Variants in NOTCH2 observed in about 807,000 individuals in gnomAD.
NOTCH2 encodes notch receptor 2.
Under a neutral mutation model 235.8 loss-of-function variants are expected in NOTCH2, and 29 were observed. The observed-to-expected ratio is 0.12, with a 90% CI of 0.09 to 0.17. NOTCH2 has a LOEUF of 0.17. Ranked by LOEUF, NOTCH2 falls within the 10% of genes least tolerant of loss-of-function variation. The probability of loss-of-function intolerance (pLI) is 1.00; values close to 1 mark genes in which losing one functional copy is unlikely to be tolerated. For missense variants in NOTCH2, 2,285 were observed against 3,150.2 expected (o/e 0.73, Z 6.57); for synonymous variants, 1,086 against 1,141.5 (o/e 0.95, Z 0.98).
chr1:120,060,471 A>AT (rs1553216022), intron 1 of NOTCH2, among the ~76,000 whole-genome samples: 4,323 of 147,486 alleles, frequency 0.029, 33 homozygotes, highest in African/African-American at 0.1. Flanking sequence ...ATATATATAT[A>AT]AAAATAAATC....
chr1:120,004,033 AAT>A (rs1398722547), intron 3 of NOTCH2, among the ~76,000 whole-genome samples: 5 of 150,950 alleles, frequency 3.3e-5, no homozygotes, highest in Admixed American at 6.6e-5. Flanking sequence ...ATGATGAAAA[AAT>A]ATTAGACATT....
At chr1:120,009,368 TA>T (rs1408778796) in intron 2 of NOTCH2, among the ~76,000 whole-genome samples, 1 of 151,584 alleles carries the variant, frequency 6.6e-6, no homozygotes, top group Non-Finnish European at 1.5e-5. Flanking sequence ...ACTGTATTAA[TA>T]AAGTTTGATT....
chr1:119,938,931 C>T (rs1318685926), intron 19 of NOTCH2, among the ~76,000 whole-genome samples: 1 of 152,148 alleles, frequency 6.6e-6, no homozygotes, highest in African/African-American at 2.4e-5. Flanking sequence ...CCACCTGCCT[C>T]GGCCTCCCAA....
Position 119,935,655 on chromosome 1 carries a change from C to T in NOTCH2, c.3523-51G>A, listed in dbSNP as rs782800180. The T allele has an allele frequency of 2.5e-6, 4 of 1,598,846 alleles. No homozygotes were observed. The Admixed American group carries it at 5.0e-5, about 20-fold the overall frequency. On this transcript the variant is annotated intron_variant, in intron 21 of 33. Transcript: ENST00000256646. ...AGAAATATTGGACCATTACTGGAAA[C>T]AGACCATGAGAGCTAGTGAGATCTG...
chr1:119,935,973 G>C (rs782686619), intron 21 of NOTCH2, among the ~76,000 whole-genome samples: 9 of 152,134 alleles, frequency 5.9e-5, no homozygotes, highest in Non-Finnish European at 1.0e-4. Flanking sequence ...CCTATGACTC[G>C]GTCAAAAGGC....
At chr1:119,984,605 GA>G (rs1651941434) in intron 5 of NOTCH2, among the ~76,000 whole-genome samples, 3 of 152,198 alleles carry the variant, frequency 2.0e-5, no homozygotes, top group Admixed American at 2.0e-4. Flanking sequence ...AGTAGAAACA[GA>G]AGCCCTATGA....
rs587758825 is a variant in NOTCH2 at position 119,955,518 on chromosome 1, G to C, written c.2027-286C>G. Among the ~76,000 whole-genome samples the C allele has an allele frequency of 6.3e-4, 96 of 152,310 alleles. 1 individual carries two copies. Among genetic ancestry groups the C allele is most frequent in the Admixed American group, 1.6e-3 (25 of 15,300 alleles). On this transcript the variant is annotated intron_variant, in intron 12 of 33. Coordinates refer to ENST00000256646, the MANE Select transcript of NOTCH2 (RefSeq NM_024408.4). ...CTCAGAAATGGGGAAACTTCACAAG[G>C]TTCTAAGAAGAGAATGTCAAATGTT...
intron 2 of NOTCH2, among the ~76,000 whole-genome samples, chr1:120,017,308 A>G (rs587706170): frequency 5.8e-4 from 87 of 150,174 alleles, no homozygotes; most frequent in African/African-American, 2.1e-3. Flanking sequence ...TCTCATGGCT[A>G]AGCCCTAAAA....
chr1:119,960,451 T>C (rs1048065990), intron 11 of NOTCH2, among the ~76,000 whole-genome samples: 1 of 150,658 alleles, frequency 6.6e-6, no homozygotes, highest in Admixed American at 6.6e-5. Flanking sequence ...TAAAGAGATA[T>C]TTGTGAAATA....
chr1:119,937,534 T>C (rs1401915477), intron 20 of NOTCH2, 68 bp from the exon 21 acceptor site: 1 of 1,457,236 alleles, frequency 6.9e-7, no homozygotes, highest in East Asian at 2.4e-5. Context: ...AATCAACCAA[T>C]GAGCAAGTAA....
At chr1:119,950,942 CAT>C in intron 14 of NOTCH2, 105 bp from the exon 15 acceptor site, 1 of 778,904 alleles carries the variant, frequency 1.3e-6, no homozygotes, top group Admixed American at 1.8e-5. Context: ...TCAGAAATTG[CAT>C]TCATTTCTTC....
rs587605209 is a variant in NOTCH2, at chr1:119,975,261, T to C, written c.875-5517A>G. 2.0e-5 allele frequency among the ~76,000 whole-genome samples: 3 copies of C among 152,250 alleles called. No individual in the cohort carries two copies. The South Asian group carries it at 6.2e-4, about 32-fold the overall frequency. ...ACCAAGCCACCATTAGCAAAGGAAG[T>C]ATACTGTTTTGGTTTTGCAGGAGTA... On this transcript the variant is annotated intron_variant, in intron 5 of 33. Coordinates refer to ENST00000256646, the MANE Select transcript of NOTCH2 (RefSeq NM_024408.4).
intron 23 of NOTCH2, 36 bp from the exon 24 acceptor site, chr1:119,926,647 CAGAAGT>C: frequency 6.6e-7 from 1 of 1,521,336 alleles, no homozygotes; most frequent in South Asian, 1.2e-5. Context: ...TTTTAAAAGG[CAGAAGT>C]AGTCACTGCA....
chr1:119,916,157 G>C lies in NOTCH2; in HGVS notation c.6565C>G (p.Pro2189Ala). 1 of 1,614,248 alleles carries C rather than the reference G, an allele frequency of 6.2e-7. No individual in the cohort carries two copies. The highest frequency in any genetic ancestry group is 1.7e-5 in the Admixed American group (1 of 60,036). Reference sequence around the variant, plus strand: ...TGCTGGGCATGGACTGGGGCAGGAGGGGCGGCAGTGGCCAACATAGGGTTG... The same window carrying C: ...TGCTGGGCATGGACTGGGGCAGGAGCGGCGGCAGTGGCCAACATAGGGTTG... Reference protein sequence around the residue: ...SPNPMLATAAPPAPVHAQHAL... With the variant: ...SPNPMLATAAAPAPVHAQHAL... Residue 2189 changes from proline to alanine, a missense_variant, in exon 34 of 34, where the codon CCT becomes GCT. Around this residue, in one of 6 missense-constraint regions of NOTCH2, gnomAD observed 504 missense variants for 538.0 expected, o/e 0.94. Coordinates refer to ENST00000256646, the MANE Select transcript of NOTCH2 (RefSeq NM_024408.4).
At chr1:119,987,186 T>A (rs782586238) in intron 4 of NOTCH2, 104 bp from the exon 5 acceptor site, 4 of 1,377,778 alleles carry the variant, frequency 2.9e-6, no homozygotes, top group Non-Finnish European at 4.1e-6. Flanking sequence ...GCTTCATGAC[T>A]TCAGTTCAAC....
chr1:120,053,561 C>G (rs587700122), intron 1 of NOTCH2, among the ~76,000 whole-genome samples: 1 of 117,880 alleles, frequency 8.5e-6, no homozygotes, highest in African/African-American at 4.0e-5. Context: ...ACTATGACCA[C>G]GCAAAAGATT....
At chr1:119,974,906 A>T (rs1553200734) in intron 5 of NOTCH2, among the ~76,000 whole-genome samples, 1 of 152,138 alleles carries the variant, frequency 6.6e-6, no homozygotes, top group African/African-American at 2.4e-5. Context: ...TGTGTCTGCC[A>T]TTCACCTCAG....
rs377214276 is a variant in NOTCH2 at position 120,005,550 on chromosome 1, C to T, written c.194G>A (p.Arg65Gln). 211 of 1,593,132 alleles carry T rather than the reference C, an allele frequency of 1.3e-4. No homozygotes were observed. In the East Asian group the frequency reaches 1.6e-3, roughly 12 times the overall value. ...EGFLGEYCQH[R>Q]DPCEKNRCQN... is the part of the protein sequence containing the mutation. The stretch of plus-strand genomic sequence containing the variant: ...GCAGCGGTTCTTCTCACAGGGGTCT[C>T]GATGTTGACAATATTCCCCCAAGAA... The change falls in exon 3 of 34, where the codon CGA becomes CAA. Residue 65 changes from arginine (R) to glutamine (Q), a missense_variant. Arg to Gln is a conservative substitution (Grantham distance 43). Transcript: ENST00000256646.
intron 3 of NOTCH2, among the ~76,000 whole-genome samples, chr1:119,999,952 A>G (rs587602570): frequency 1.2e-4 from 16 of 133,006 alleles, no homozygotes; most frequent in Admixed American, 1.1e-3. Flanking sequence ...AGAAAGAAAG[A>G]AAGAAAGAAA....
Sources: allele counts gnomAD v4.1 joint callset (sites outside exome capture counted in the v4.1 genomes callset), GRCh38; gene constraint gnomAD v4.1.1; regional missense constraint gnomAD v4.1.1; transcripts MANE v1.5; gene names NCBI Gene and HGNC (gene_info 2026-07-23, HGNC 2026-07-21).